GPR89A: variants seen among roughly 807,000 people sequenced by gnomAD.
The protein encoded by GPR89A is G protein-coupled receptor 89A.
In GPR89A, 16 loss-of-function variants were observed where a neutral mutation model predicts 52.0. The ratio of observed to expected loss-of-function variants is 0.31; its 90% CI spans 0.21 to 0.47. The LOEUF (loss-of-function observed/expected upper bound fraction) is 0.47. GPR89A is among the 20% of genes least tolerant of loss of function. GPR89A has a pLI of 1.00. For synonymous variants in GPR89A, 55 were observed against 150.9 expected (o/e 0.36, Z 4.66); for missense variants, 135 against 449.4 (o/e 0.30, Z 6.33).
intron 10 of GPR89A, among the ~76,000 whole-genome samples, chr1:145,658,772 G>A (rs1651988666): frequency 1.3e-5 from 2 of 151,556 alleles, no homozygotes; most frequent in South Asian, 2.1e-4. Context: ...GAACATTTGT[G>A]TATAATTTTT....
intron 10 of GPR89A, among the ~76,000 whole-genome samples, chr1:145,662,236 A>G (rs2262348): frequency 6.6e-6 from 1 of 152,062 alleles, no homozygotes; most frequent in African/African-American, 2.4e-5. Context: ...TTTTATTTCT[A>G]TCAGTTTTGC....
chr1:145,635,265 G>A (rs1264680784), intron 7 of GPR89A, among the ~76,000 whole-genome samples: 1 of 152,166 alleles, frequency 6.6e-6, no homozygotes. Context: ...AAGTAGCCGG[G>A]CGTGGTGGTG....
chr1:145,636,357 CT>C (rs1459694137), intron 7 of GPR89A, among the ~76,000 whole-genome samples: 3 of 138,994 alleles, frequency 2.2e-5, no homozygotes, highest in Non-Finnish European at 4.6e-5. Context: ...AAAAGAAAAA[CT>C]GTTTTTGCAA....
At chr1:145,663,621 G>C (rs1652358423) in intron 11 of GPR89A, among the ~76,000 whole-genome samples, 197 bp downstream of exon 11, 2 of 152,050 alleles carry the variant, frequency 1.3e-5, no homozygotes, top group South Asian at 4.2e-4. Context: ...AAAAGGCCAA[G>C]ATTCTCTCTC....
chr1:145,624,458 A>T (rs1415900007), intron 5 of GPR89A, among the ~76,000 whole-genome samples: 2 of 147,712 alleles, frequency 1.4e-5, no homozygotes, highest in African/African-American at 2.6e-5. Context: ...AAAAGATTAG[A>T]GAGCCCATCT....
intron 2 of GPR89A, among the ~76,000 whole-genome samples, chr1:145,616,997 T>G (rs1553687160): frequency 6.6e-6 from 1 of 152,180 alleles, no homozygotes; most frequent in East Asian, 1.9e-4. Flanking sequence ...GCACACATTG[T>G]CTTTATAAAC....
chr1:145,656,011 G>A (rs1349584796), intron 10 of GPR89A, among the ~76,000 whole-genome samples: 4 of 152,008 alleles, frequency 2.6e-5, no homozygotes, highest in Admixed American at 6.5e-5. Flanking sequence ...GGGAGGCCTC[G>A]CCTAGTGAGG....
intron 11 of GPR89A, 69 bp from the exon 12 acceptor site, chr1:145,665,493 G>A (rs1438695891): frequency 6.3e-7 from 1 of 1,594,532 alleles, no homozygotes; most frequent in African/African-American, 1.3e-5. Context: ...AAATGATCGG[G>A]ATATAGCTTA....
chr1:145,649,696 T>C (rs1255602137), intron 10 of GPR89A, among the ~76,000 whole-genome samples: 2 of 151,314 alleles, frequency 1.3e-5, no homozygotes, highest in African/African-American at 4.9e-5. Context: ...ATATGGCAGA[T>C]GTAATGTTTA....
chr1:145,663,483 C>G, intron 11 of GPR89A, 59 bp downstream of exon 11: 2 of 1,604,040 alleles, frequency 1.2e-6, no homozygotes, highest in East Asian at 2.2e-5. Context: ...CTATAACTTA[C>G]CATTGTTAAG....
At chr1:145,609,854 C>G (rs1553685800) in intron 1 of GPR89A, among the ~76,000 whole-genome samples, 1 of 152,150 alleles carries the variant, frequency 6.6e-6, no homozygotes. Context: ...GTTCTCTGTT[C>G]AGATATTTAT....
intron 3 of GPR89A, among the ~76,000 whole-genome samples, chr1:145,619,930 G>T (rs1266411005): frequency 3.9e-5 from 6 of 152,006 alleles, no homozygotes; most frequent in Admixed American, 3.9e-4. Flanking sequence ...CAGGAGAATG[G>T]CCTGAACCCA....
intron 1 of GPR89A, chr1:145,611,651 CTTG>C (rs1320440556): frequency 2.2e-5 from 3 of 138,202 alleles, no homozygotes; most frequent in Non-Finnish European, 4.6e-5. Context: ...AAAATTTTTG[CTTG>C]TTTTCTCTTC....
chr1:145,655,265 G>A (rs1257846703), intron 10 of GPR89A, among the ~76,000 whole-genome samples: 1 of 152,148 alleles, frequency 6.6e-6, no homozygotes, highest in East Asian at 1.9e-4. Context: ...AGCAATGTTT[G>A]TTACTGCCCA....
chr1:145,629,440 A>AAGGTAGGAAAAATAAAG (rs1553689496), intron 5 of GPR89A, among the ~76,000 whole-genome samples: 4 of 152,202 alleles, frequency 2.6e-5, no homozygotes, highest in African/African-American at 7.2e-5. Context: ...GAGAAGGACA[A>AAGGTAGGAAAAATAAAG]AGGTAGGAAA....
At chr1:145,623,842 G>A in intron 5 of GPR89A, 128 bp downstream of exon 5, 1 of 705,298 alleles carries the variant, frequency 1.4e-6, no homozygotes, top group South Asian at 2.0e-5. Flanking sequence ...TAATTCACAG[G>A]TTCTTGGGAT....
In GPR89A at chr1:145,656,472, G is replaced by A. The variant is rs1381956928; in HGVS notation, c.910-6857G>A. Among the ~76,000 whole-genome samples the A allele has an allele frequency of 1.1e-4, 17 of 152,232 alleles. No individual in the cohort carries two copies. In the East Asian group the frequency reaches 2.5e-3, roughly 22 times the overall value. Reference sequence around the variant, plus strand: ...ACTACCCTGCTTTTCCTCGCTCTCCGTGGGTTGTGCCAACTGCCTAGTCAG... The same window carrying A: ...ACTACCCTGCTTTTCCTCGCTCTCCATGGGTTGTGCCAACTGCCTAGTCAG... On this transcript the variant is annotated intron_variant, in intron 10 of 13. Coordinates refer to ENST00000313835, the MANE Select transcript of GPR89A (RefSeq NM_001097612.2).
intron 10 of GPR89A, among the ~76,000 whole-genome samples, chr1:145,655,702 C>T (rs187747113): frequency 0.021 from 3,251 of 152,246 alleles, 54 homozygotes; most frequent in South Asian, 0.043. Flanking sequence ...GACCTGATGC[C>T]GGCAGGAACG....
chr1:145,608,326 T>C (rs1553685383), intron 1 of GPR89A, 151 bp downstream of exon 1: 33 of 1,234,548 alleles, frequency 2.7e-5, no homozygotes, highest in Non-Finnish European at 3.8e-5. Context: ...GGTGTGCGAT[T>C]TGCTGCGGCC....
Sources: gnomAD v4.1 joint callset for allele counts (sites outside exome capture counted in the v4.1 genomes callset) on GRCh38, gnomAD v4.1.1 for gene constraint, MANE v1.5 for transcripts, NCBI Gene and HGNC (gene_info 2026-07-23, HGNC 2026-07-21) for gene names.